Variants in WNT7B observed in about 807,000 individuals in gnomAD.
WNT7B encodes the protein protein Wnt-7b.
Under a neutral mutation model 38.2 loss-of-function variants are expected in WNT7B, and 19 were observed. The ratio of observed to expected loss-of-function variants is 0.50; its 90% CI spans 0.35 to 0.73. The LOEUF is 0.73. Ranked by LOEUF, WNT7B falls within the 30% of genes least tolerant of loss-of-function variation. The pLI is 0.01. For missense variants in WNT7B, 423 were observed against 507.9 expected (o/e 0.83, Z 1.61); for synonymous variants, 243 against 209.3 (o/e 1.16, Z -1.39).
rs536070342 is a variant in WNT7B, at chr22:45,952,797, G to T, written c.72-2651C>A. Among the ~76,000 whole-genome samples, 12 of 152,312 alleles carry T rather than the reference G, an allele frequency of 7.9e-5. No individual in the cohort carries two copies. In the East Asian group the frequency reaches 2.1e-3, roughly 27 times the overall value. On this transcript the variant is annotated intron_variant, in intron 1 of 3. Coordinates refer to ENST00000339464, the MANE Select transcript of WNT7B (RefSeq NM_058238.3). ...CAGCCAGCTGTCCACCACCGGCCCT[G>T]CCAGCACCCGGATCTGACCAAGTCC... is the stretch of plus-strand genomic sequence containing the variant.
Position 45,966,006 on chromosome 22 carries a change from G to A in WNT7B, c.71+10678C>T, listed in dbSNP as rs997240461. Among the ~76,000 whole-genome samples the A allele has an allele frequency of 6.6e-5, 10 of 152,266 alleles. No individual in the cohort carries two copies. Among genetic ancestry groups the A allele is most frequent in the East Asian group, 3.9e-4 (2 of 5,174 alleles). ...CTGGGCTCAGCTGCTTGACCTGGGC[G>A]AGTGACTCTGCACCCTGACCTCGTC... is the stretch of plus-strand genomic sequence containing the variant. On this transcript the variant is annotated intron_variant, in intron 1 of 3. Transcript: ENST00000339464. This position sits in a 1 kb window ranked among gnomAD's most constrained non-coding sequence, Gnocchi z 4.2.
chr22:45,941,675 C>T (rs1177066451), intron 2 of WNT7B, among the ~76,000 whole-genome samples: 2 of 152,052 alleles, frequency 1.3e-5, no homozygotes, highest in South Asian at 2.1e-4. Context: ...AGGAGAGAGG[C>T]GAGGGGCAGG....
intron 3 of WNT7B, among the ~76,000 whole-genome samples, chr22:45,929,217 C>CCACACTTTCCTCTGGACTCTCAAGGTT (rs1931204097): frequency 6.6e-6 from 1 of 152,208 alleles, no homozygotes; most frequent in African/African-American, 2.4e-5. Context: ...GGTAGGTGAA[C>CCACACTTTCCTCTGGACTCTCAAGGTT]CACACTTTCC....
chr22:45,945,743 C>T (rs528152890), intron 2 of WNT7B, among the ~76,000 whole-genome samples: 4 of 152,350 alleles, frequency 2.6e-5, no homozygotes, highest in African/African-American at 9.6e-5. Context: ...TCAGATACCC[C>T]GAGATGGGTC....
At chr22:45,962,361 C>A (rs936990332) in intron 1 of WNT7B, among the ~76,000 whole-genome samples, 1 of 152,226 alleles carries the variant, frequency 6.6e-6, no homozygotes, top group African/African-American at 2.4e-5. Context: ...AGGACGCTGA[C>A]CTCTGACTTC....
rs372049080 is a variant in WNT7B at position 45,931,314 on chromosome 22, G to A, written c.354C>T (p.Ala118=). Residue 118 remains alanine (A), a synonymous_variant, in exon 3 of 4, where the codon GCC becomes GCT. Coordinates refer to ENST00000339464, the MANE Select transcript of WNT7B (RefSeq NM_058238.3). ...TCCCTTGGCTGCAGGCAGCGGTGAC[G>A]GCGTGCGCCACGCCAGCCGCGGTGA... is the stretch of plus-strand genomic sequence containing the variant. ...YAITAAGVAH[A]VTAACSQGNL... 3.1e-6 allele frequency: 5 copies of A among 1,597,040 alleles called. No homozygotes were observed. The highest frequency in any genetic ancestry group is 2.7e-5 in the African/African-American group (2 of 74,906).
chr22:45,971,478 T>G (rs1932437186), intron 1 of WNT7B, among the ~76,000 whole-genome samples: 2 of 152,176 alleles, frequency 1.3e-5, no homozygotes, highest in Non-Finnish European at 2.9e-5. Context: ...GGCTCTGCCT[T>G]GCCGGGCACA....
Position 45,977,070 on chromosome 22 carries a change from C to T in WNT7B, c.-316G>A. ...GGCGCGGCTGGCGGGCGGGTGCAGCCTGCACTAGGCGCAGCCGCCTGAGGC... is the reference window on the plus strand; with the variant it reads ...GGCGCGGCTGGCGGGCGGGTGCAGCTTGCACTAGGCGCAGCCGCCTGAGGC... On this transcript the variant is annotated 5_prime_UTR_variant, in exon 1 of 4. Transcript: ENST00000339464. 2.1e-6 allele frequency: 2 copies of T among 962,198 alleles called. No homozygotes were observed. The highest frequency in any genetic ancestry group is 2.5e-6 in the Non-Finnish European group (2 of 809,236). 59.6% of individuals were successfully genotyped at this position (962,198 alleles called of 1,614,324 possible). A position where few individuals can be genotyped will look rare whatever the true frequency, so the allele number is the denominator to read the frequency against.
intron 1 of WNT7B, among the ~76,000 whole-genome samples, chr22:45,970,932 T>C (rs1932421825): frequency 6.6e-6 from 1 of 152,174 alleles, no homozygotes; most frequent in Admixed American, 6.5e-5. Flanking sequence ...CCTGGAGCGC[T>C]CTCTGTGCCC....
intron 3 of WNT7B, among the ~76,000 whole-genome samples, chr22:45,930,059 T>G (rs1931286566): frequency 6.6e-6 from 1 of 151,974 alleles, no homozygotes; most frequent in Non-Finnish European, 1.5e-5. Flanking sequence ...GTTCAAGATC[T>G]CTTCTGTGCC....
At chr22:45,972,481 C>T (rs570221301) in intron 1 of WNT7B, 3 of 188,584 alleles carry the variant, frequency 1.6e-5, no homozygotes, top group Non-Finnish European at 3.2e-5. Context: ...CGGCCGGGGG[C>T]AGCGGGCGCG....
intron 3 of WNT7B, chr22:45,925,107 A>G (rs1261665369): frequency 2.1e-6 from 2 of 974,380 alleles, no homozygotes; most frequent in African/African-American, 3.8e-5. Flanking sequence ...AAGGCACATC[A>G]GATGAGTGCT....
At chr22:45,967,808 G>A (rs1932345578) in intron 1 of WNT7B, among the ~76,000 whole-genome samples, 2 of 152,164 alleles carry the variant, frequency 1.3e-5, no homozygotes, top group Non-Finnish European at 2.9e-5. Flanking sequence ...ACAATAATGT[G>A]CCGTCGGCGC....
intron 3 of WNT7B, among the ~76,000 whole-genome samples, chr22:45,924,882 G>T (rs556727739): frequency 4.5e-4 from 66 of 148,072 alleles, no homozygotes; most frequent in Admixed American, 2.0e-3. Flanking sequence ...GGGCCCAAAG[G>T]CTCATCAGGT....
intron 2 of WNT7B, among the ~76,000 whole-genome samples, chr22:45,936,316 A>G (rs1042180600): frequency 1.3e-5 from 2 of 152,208 alleles, no homozygotes; most frequent in African/African-American, 4.8e-5. Context: ...CATGGTACCC[A>G]CATCACTAAG....
rs938835486 is a variant in WNT7B, at chr22:45,975,011, TC to T, written c.71+1672del. Among the ~76,000 whole-genome samples the T allele has an allele frequency of 6.6e-6, 1 of 152,080 alleles. No individual in the cohort carries two copies. The highest frequency in any genetic ancestry group is 1.5e-5 in the Non-Finnish European group (1 of 67,990). The stretch of plus-strand genomic sequence containing the variant: ...TCACTCGTGGGAGGAAGGGCTGCTT[TC>T]CGATGACTGAGGCAGAAGAATGGAC... On this transcript the variant is annotated intron_variant, in intron 1 of 3. Coordinates refer to ENST00000339464, the MANE Select transcript of WNT7B (RefSeq NM_058238.3). This position sits in a 1 kb window ranked among gnomAD's most constrained non-coding sequence, Gnocchi z 6.6.
chr22:45,924,450 G>A (rs1601712812), intron 3 of WNT7B, among the ~76,000 whole-genome samples: 1 of 152,376 alleles, frequency 6.6e-6, no homozygotes, highest in East Asian at 1.9e-4. Context: ...TGAAGGTGCT[G>A]CGGGAACCCA....
Position 45,965,405 on chromosome 22 carries a change from C to T in WNT7B, c.71+11279G>A, listed in dbSNP as rs1185767382. 2.0e-5 allele frequency among the ~76,000 whole-genome samples: 3 copies of T among 152,132 alleles called. No homozygotes were observed. The highest frequency in any genetic ancestry group is 6.5e-5 in the Admixed American group (1 of 15,274). On this transcript the variant is annotated intron_variant, in intron 1 of 3. Transcript: ENST00000339464. This position sits in a 1 kb window ranked among gnomAD's most constrained non-coding sequence, Gnocchi z 6.5. ...ACCTGGCCAGCCCTGATAACCCACC[C>T]GCGGGGGCTGCCGTCACGCTGTGGG...
intron 1 of WNT7B, among the ~76,000 whole-genome samples, chr22:45,957,104 CAAAAAAAAAA>C (rs34329899): frequency 1.2e-5 from 1 of 80,706 alleles, no homozygotes; most frequent in Non-Finnish European, 2.5e-5. Context: ...GACTCTGTCT[CAAAAAAAAAA>C]AAAAAAAAAA....
Sources: gnomAD v4.1 joint callset for allele counts (sites outside exome capture counted in the v4.1 genomes callset) on GRCh38, gnomAD v4.1.1 for gene constraint, Gnocchi (gnomAD v3.1) non-coding constraint, MANE v1.5 for transcripts, NCBI Gene and HGNC (gene_info 2026-07-23, HGNC 2026-07-21) for gene names.